The following ARMC2 variants were observed in gnomAD, a reference collection of about 807,000 sequenced individuals.
ARMC2 encodes the protein armadillo repeat containing 2, also known as armadillo repeat-containing protein 2.
In ARMC2, 67 loss-of-function variants were observed where a neutral mutation model predicts 90.3. That is an observed-to-expected ratio of 0.74 (90% confidence interval 0.61 to 0.91). The LOEUF is 0.91. Among genes scored for constraint, ARMC2 ranks in the 40% least tolerant of loss-of-function variants. The pLI, the probability that ARMC2 is intolerant of heterozygous loss-of-function variation, is 0.00. For synonymous variants in ARMC2, 393 were observed against 393.0 expected, an observed-to-expected ratio of 1.00 and a Z score of 0.00; for missense variants, 920 against 1,030.9, an observed-to-expected ratio of 0.89 and a Z score of 1.47.
chr6:108,992,940 G>T, the ARMC2 span: 2 of 1,325,576 alleles, frequency 1.5e-6, no homozygotes, highest in Non-Finnish European at 2.2e-6. Context: ...AAAATAGGAT[G>T]CTAGTTAAAA....
intron 12 of ARMC2, among the ~76,000 whole-genome samples, chr6:108,949,927 C>T (rs939124664): frequency 1.2e-4 from 18 of 152,136 alleles, no homozygotes; most frequent in Non-Finnish European, 1.5e-4. Context: ...AAAAACAGGC[C>T]GGGCACAGTG....
chr6:108,935,833 G>C (rs967792663), intron 11 of ARMC2, among the ~76,000 whole-genome samples: 1 of 151,842 alleles, frequency 6.6e-6, no homozygotes, highest in Admixed American at 6.6e-5. Context: ...CTATAAGTTA[G>C]GTGTTCTTAC....
At chr6:108,980,532 C>T in the ARMC2 span, among the ~76,000 whole-genome samples, 1 of 139,934 alleles carries the variant, frequency 7.1e-6, no homozygotes, top group African/African-American at 2.6e-5. Context: ...AGAACGCCTG[C>T]TGGGAGATCT....
rs141810675 is a variant in ARMC2, at chr6:108,868,991, C to G, written c.459C>G (p.Ser153=). The change falls in exon 4 of 18, where the codon TCC becomes TCG. Residue 153 remains serine, a synonymous_variant. Transcript: ENST00000392644. ...ALLPDRSLPP[S]DSKKTVESKE... ...TGCCGGACAGATCCCTTCCTCCCTC[C>G]GACTGTAAGGCCATGTAACATCCTG... 1 of 1,611,022 alleles carries G rather than the reference C, an allele frequency of 6.2e-7. No homozygotes were observed. Among genetic ancestry groups the G allele is most frequent in the Non-Finnish European group, 8.5e-7 (1 of 1,178,658 alleles).
intron 8 of ARMC2, among the ~76,000 whole-genome samples, chr6:108,909,489 G>C (rs568614603): frequency 6.6e-6 from 1 of 150,812 alleles, no homozygotes; most frequent in Non-Finnish European, 1.5e-5. Flanking sequence ...ATCACCCCAT[G>C]TTTAATTTAC....
chr6:108,858,587 A>G (rs1020694592), intron 3 of ARMC2, among the ~76,000 whole-genome samples: 3 of 150,880 alleles, frequency 2.0e-5, no homozygotes, highest in African/African-American at 7.3e-5. Context: ...TAACAGTTAT[A>G]TATACAAAAA....
Position 108,967,777 on chromosome 6 carries a change from G to A in ARMC2, c.2446+2637G>A, listed in dbSNP as rs541381461. On this transcript the variant is annotated intron_variant, in intron 17 of 17. Coordinates refer to ENST00000392644, the MANE Select transcript of ARMC2 (RefSeq NM_032131.6). The stretch of plus-strand genomic sequence containing the variant: ...GGTTGAACCTGTGGATACGTGGCCC[G>A]TGGATGCGAAGGGCTGACTGCGCTC... Among the ~76,000 whole-genome samples the A allele has an allele frequency of 4.6e-5, 7 of 152,280 alleles. No individual in the cohort carries two copies. In the South Asian group the frequency reaches 1.0e-3, roughly 23 times the overall value.
chr6:108,979,576 C>T, the ARMC2 span, among the ~76,000 whole-genome samples: 1 of 152,100 alleles, frequency 6.6e-6, no homozygotes, highest in Non-Finnish European at 1.5e-5. Flanking sequence ...GGTTAATATC[C>T]TGAAGAGTAT....
intron 10 of ARMC2, among the ~76,000 whole-genome samples, chr6:108,918,224 A>C (rs1210470762): frequency 6.6e-6 from 1 of 152,132 alleles, no homozygotes; most frequent in African/African-American, 2.4e-5. Flanking sequence ...GGAAGAGAAA[A>C]GGAAGTGACT....
chr6:109,030,292 AAAG>A, the ARMC2 span, among the ~76,000 whole-genome samples: 7 of 152,238 alleles, frequency 4.6e-5, no homozygotes, highest in African/African-American at 1.7e-4. Context: ...TGGATCTAGA[AAAG>A]AATATCAAAT....
At chr6:108,871,511 A>G (rs541142315) in intron 4 of ARMC2, among the ~76,000 whole-genome samples, 8 of 152,206 alleles carry the variant, frequency 5.3e-5, no homozygotes, top group South Asian at 2.1e-4. Context: ...TATGAACAGG[A>G]TGGCAGGATT....
At chr6:108,983,515 C>T in the ARMC2 span, among the ~76,000 whole-genome samples, 20 of 152,214 alleles carry the variant, frequency 1.3e-4, no homozygotes, top group Admixed American at 5.2e-4. Context: ...CTGTCCTGTC[C>T]TTATTGAGTG....
intron 5 of ARMC2, 125 bp from the exon 6 acceptor site, chr6:108,894,342 C>A: frequency 1.3e-6 from 1 of 792,018 alleles, no homozygotes; most frequent in Non-Finnish European, 1.9e-6. Context: ...GTTCTCTAGC[C>A]TGGATGACAG....
At chr6:108,934,932 C>T (rs572084121) in intron 11 of ARMC2, among the ~76,000 whole-genome samples, 1 of 152,178 alleles carries the variant, frequency 6.6e-6, no homozygotes, top group Non-Finnish European at 1.5e-5. Flanking sequence ...ATACGAATTC[C>T]TTTCATCCTC....
chr6:109,000,725 T>G, the ARMC2 span: 1 of 1,312,830 alleles, frequency 7.6e-7, no homozygotes, highest in Non-Finnish European at 1.0e-6. Context: ...TTGAACTACA[T>G]ATCCTTTTTA....
chr6:108,897,540 C>T (rs1001951897), intron 6 of ARMC2, among the ~76,000 whole-genome samples: 1 of 151,844 alleles, frequency 6.6e-6, no homozygotes, highest in African/African-American at 2.4e-5. Flanking sequence ...ATCTTGGATG[C>T]CCTGTGTGGC....
chr6:108,923,618 CTTTT>C (rs35715301), intron 10 of ARMC2, among the ~76,000 whole-genome samples: 1 of 137,244 alleles, frequency 7.3e-6, no homozygotes. Flanking sequence ...TCCCCACACC[CTTTT>C]TTTTTTTTTT....
At chr6:108,994,580 G>A in the ARMC2 span, 2 of 1,611,992 alleles carry the variant, frequency 1.2e-6, no homozygotes, top group East Asian at 2.2e-5. Context: ...TTTCCATGAG[G>A]GCTTCAACCT....
At chr6:108,890,080 C>T (rs1770808955) in intron 5 of ARMC2, among the ~76,000 whole-genome samples, 1 of 147,054 alleles carries the variant, frequency 6.8e-6, no homozygotes, top group Non-Finnish European at 1.5e-5. Flanking sequence ...GTCCCAGCTA[C>T]TTGGGAGGCT....
Sources: allele counts gnomAD v4.1 joint callset (sites outside exome capture counted in the v4.1 genomes callset), GRCh38; gene constraint gnomAD v4.1.1; transcripts MANE v1.5; gene names NCBI Gene and HGNC (gene_info 2026-07-23, HGNC 2026-07-21).